The following CCDC81 variants were observed in gnomAD, a reference collection of about 807,000 sequenced individuals.
CCDC81 encodes the protein coiled-coil domain containing 81, also known as coiled-coil domain-containing protein 81.
Under a neutral mutation model 83.7 loss-of-function variants are expected in CCDC81, and 79 were observed. The ratio of observed to expected loss-of-function variants is 0.94; its 90% CI spans 0.79 to 1.14. The LOEUF is 1.14. CCDC81 is among the 50% of genes most tolerant of loss of function. The pLI is 0.00. For missense variants in CCDC81, 791 were observed against 778.1 expected, an observed-to-expected ratio of 1.02 and a Z score of -0.20; for synonymous variants, 252 against 278.1, an observed-to-expected ratio of 0.91 and a Z score of 0.93.
At chr11:86,422,467 G>A (rs997339409) in intron 14 of CCDC81, 107 bp from the exon 15 acceptor site, 41 of 951,674 alleles carry the variant, frequency 4.3e-5, no homozygotes, top group Non-Finnish European at 6.4e-5. Flanking sequence ...GGCAGAGAAC[G>A]CAAGGTGTCA....
intron 7 of CCDC81, among the ~76,000 whole-genome samples, chr11:86,401,333 T>C (rs1948483937): frequency 6.6e-6 from 1 of 152,192 alleles, no homozygotes; most frequent in Non-Finnish European, 1.5e-5. Flanking sequence ...TAGGATACTT[T>C]TTAAGACCTC....
chr11:86,389,493 A>C (rs908059816), intron 3 of CCDC81, among the ~76,000 whole-genome samples: 2 of 152,198 alleles, frequency 1.3e-5, no homozygotes, highest in African/African-American at 4.8e-5. Context: ...CAGGAAACTT[A>C]CAATCATGGC....
chr11:86,401,732 C>T (rs35113231), intron 7 of CCDC81, among the ~76,000 whole-genome samples: 2,152 of 151,766 alleles, frequency 0.014, 23 homozygotes, highest in Non-Finnish European at 0.021. Context: ...ATGCATGCGA[C>T]GAAGACAACA....
At position 86,418,220 on chromosome 11, in the gene CCDC81, G is replaced by A. The variant is rs188274543; in HGVS notation, c.1692-1708G>A. On this transcript the variant is annotated intron_variant, in intron 13 of 14. Coordinates refer to ENST00000445632, the MANE Select transcript of CCDC81 (RefSeq NM_001156474.2). ...GCTACTATGAAAAAAAATAACACGC[G>A]TTAGTGAGAAGTAGAAACCTTTGTG... 4.6e-3 allele frequency among the ~76,000 whole-genome samples: 707 copies of A among 152,162 alleles called. 4 individuals carry two copies. The highest frequency in any genetic ancestry group is 0.015 in the African/African-American group (609 of 41,504).
chr11:86,422,561 C>T lies in CCDC81; in HGVS notation c.1818-13C>T, dbSNP rs183756955. 3.7e-5 allele frequency: 59 copies of T among 1,607,886 alleles called. No individual in the cohort carries two copies. The African/African-American group carries it at 7.6e-4, about 21-fold the overall frequency. On this transcript the variant is annotated splice_polypyrimidine_tract_variant and intron_variant, in intron 14 of 14. Coordinates refer to ENST00000445632, the MANE Select transcript of CCDC81 (RefSeq NM_001156474.2). The stretch of plus-strand genomic sequence containing the variant: ...AGGAACCTGCTGATCGGCATTTGCT[C>T]TCCTCTCCTCAGGGCTTCAGACAAG...
intron 1 of CCDC81, among the ~76,000 whole-genome samples, chr11:86,380,182 AT>A (rs1452736741): frequency 6.6e-6 from 1 of 152,006 alleles, no homozygotes; most frequent in Non-Finnish European, 1.5e-5. Context: ...CTGAAAAATA[AT>A]TTCTCCTTTG....
intron 10 of CCDC81, among the ~76,000 whole-genome samples, chr11:86,410,714 G>T (rs1230665670): frequency 6.6e-6 from 1 of 152,110 alleles, no homozygotes; most frequent in East Asian, 1.9e-4. Flanking sequence ...GACCTAAACA[G>T]AACTTTTGAT....
intron 7 of CCDC81, among the ~76,000 whole-genome samples, chr11:86,406,975 C>G (rs2138529061): frequency 6.6e-6 from 1 of 152,272 alleles, no homozygotes; most frequent in South Asian, 2.1e-4. Context: ...CACCTTCCAC[C>G]TGAAGGACTG....
At position 86,387,574 on chromosome 11, in the gene CCDC81, G is replaced by T; in HGVS notation, c.200G>T (p.Gly67Val). 1 of 1,613,818 alleles carries T rather than the reference G, an allele frequency of 6.2e-7. No individual in the cohort carries two copies. Among genetic ancestry groups the T allele is most frequent in the Non-Finnish European group, 8.5e-7 (1 of 1,179,762 alleles). Residue 67 changes from glycine (G) to valine (V), a missense_variant, in exon 3 of 15, where the codon GGA (glycine) becomes GTA (valine). Coordinates refer to ENST00000445632, the MANE Select transcript of CCDC81 (RefSeq NM_001156474.2). The part of the protein sequence containing the change: ...FTFIRQKLEV[G>V]NNKFILIQRP... ...TTCATAAGACAAAAGCTTGAGGTGGGAAACAACAAATTTATCTTAATCCAG... is the reference window on the plus strand; with the variant it reads ...TTCATAAGACAAAAGCTTGAGGTGGTAAACAACAAATTTATCTTAATCCAG...
intron 6 of CCDC81, among the ~76,000 whole-genome samples, chr11:86,400,196 G>C (rs11234634): frequency 0.23 from 34,760 of 151,208 alleles, 4,748 homozygotes; most frequent in Non-Finnish European, 0.27. Flanking sequence ...TTGCATCACT[G>C]TCCTAAGTTG....
In CCDC81 at chr11:86,412,548, A is replaced by G. The variant is rs139826737; in HGVS notation, c.1380A>G (p.Gln460=). The G allele has an allele frequency of 6.2e-7, 1 of 1,607,662 alleles. No individual in the cohort carries two copies. The highest frequency in any genetic ancestry group is 8.5e-7 in the Non-Finnish European group (1 of 1,178,082). The change falls in exon 11 of 15, where the codon CAA becomes CAG. Residue 460 remains glutamine (Q), a synonymous_variant. Transcript: ENST00000445632. ...RELMDRLEQV[Q]LTEELAAQRA... is the part of the protein sequence containing the mutation. Reference sequence around the variant, plus strand: ...TGATGGACCGCCTGGAACAAGTGCAACTCACAGAGGAGTGAGTCCAGCTAC... The same window carrying G: ...TGATGGACCGCCTGGAACAAGTGCAGCTCACAGAGGAGTGAGTCCAGCTAC...
chr11:86,417,378 A>T (rs773068805), intron 13 of CCDC81, among the ~76,000 whole-genome samples: 3 of 152,044 alleles, frequency 2.0e-5, no homozygotes, highest in South Asian at 4.1e-4. Flanking sequence ...AATTATTTAT[A>T]AAAAAATTTA....
intron 4 of CCDC81, among the ~76,000 whole-genome samples, chr11:86,393,656 A>G (rs934542319): frequency 2.0e-5 from 3 of 152,176 alleles, no homozygotes; most frequent in Non-Finnish European, 4.4e-5. Context: ...TTAGCTTTTA[A>G]TTTGCCATGT....
intron 7 of CCDC81, among the ~76,000 whole-genome samples, chr11:86,401,786 G>A (rs1364132182): frequency 1.3e-5 from 2 of 152,130 alleles, no homozygotes; most frequent in African/African-American, 4.8e-5. Context: ...GTTGGAAGTG[G>A]TTGGTAAAGG....
intron 2 of CCDC81, among the ~76,000 whole-genome samples, chr11:86,386,358 G>A (rs1361135292): frequency 1.3e-5 from 2 of 152,142 alleles, no homozygotes; most frequent in African/African-American, 4.8e-5. Context: ...TGCTCTTCTA[G>A]TGTTACAGAG....
rs1948813035 is a variant in CCDC81, at chr11:86,422,776, T to C, written c.*61T>C. 6.6e-7 allele frequency: 1 copy of C among 1,521,048 alleles called. No homozygotes were observed. The highest frequency in any genetic ancestry group is 9.0e-7 in the Non-Finnish European group (1 of 1,115,370). 94.2% of individuals were successfully genotyped at this position (1,521,048 alleles called of 1,614,324 possible). A position where few individuals can be genotyped will look rare whatever the true frequency, so the allele number is the denominator to read the frequency against. ...TTTTTATCTTTTACATGTTTGGGGG[T>C]GATTGTGAAACTGCGTATTTTTACC... On this transcript the variant is annotated 3_prime_UTR_variant, in exon 15 of 15. Transcript: ENST00000445632.
At chr11:86,418,401 C>A (rs559385539) in intron 13 of CCDC81, among the ~76,000 whole-genome samples, 1 of 152,138 alleles carries the variant, frequency 6.6e-6, no homozygotes, top group Admixed American at 6.5e-5. Context: ...GATATCTGTA[C>A]AGCCATGTTC....
intron 3 of CCDC81, among the ~76,000 whole-genome samples, chr11:86,388,520 G>A (rs1202010392): frequency 6.6e-6 from 1 of 152,110 alleles, no homozygotes; most frequent in African/African-American, 2.4e-5. Flanking sequence ...AGGTGAAAAG[G>A]CTGAAACTGT....
intron 10 of CCDC81, among the ~76,000 whole-genome samples, chr11:86,411,221 C>T (rs1433411401): frequency 2.0e-5 from 3 of 152,208 alleles, no homozygotes; most frequent in Non-Finnish European, 2.9e-5. Context: ...CACTATGCCT[C>T]AGCCACAGAG....
Sources: gnomAD v4.1 joint callset for allele counts (sites outside exome capture counted in the v4.1 genomes callset) on GRCh38, gnomAD v4.1.1 for gene constraint, MANE v1.5 for transcripts, NCBI Gene and HGNC (gene_info 2026-07-23, HGNC 2026-07-21) for gene names.